The following PROSER1 variants were observed in gnomAD, a reference collection of about 807,000 sequenced individuals.
PROSER1 encodes proline and serine-rich protein 1.
In PROSER1, 36 loss-of-function variants were observed where a neutral mutation model predicts 71.8. The observed-to-expected ratio is 0.50, with a 90% CI of 0.38 to 0.66. PROSER1 has a LOEUF of 0.66. PROSER1 is among the 30% of genes least tolerant of loss of function. The probability of loss-of-function intolerance (pLI) is 0.00; values close to 1 mark genes in which losing one functional copy is unlikely to be tolerated. For synonymous variants in PROSER1, 490 were observed against 452.4 expected, an observed-to-expected ratio of 1.08 and a Z score of -1.06; for missense variants, 1,107 against 1,135.0, an observed-to-expected ratio of 0.98 and a Z score of 0.35.
Position 39,012,110 on chromosome 13 carries a change from C to T in PROSER1, c.2685G>A (p.Ala895=), listed in dbSNP as rs574313136. 139 of 1,614,016 alleles carry T rather than the reference C, an allele frequency of 8.6e-5. 1 individual carries two copies. In the South Asian group the frequency reaches 1.2e-3, roughly 14 times the overall value. ...GCTGTAACAATGCTGACTGCGCAGC[C>T]GCATTATGCTGTAATTCTTGCAAGG... The part of the protein sequence containing the change: ...QSSLQELQHN[A]AAQSALLQQV... Residue 895 remains alanine (A), a synonymous_variant, in exon 12 of 13, where the codon GCG becomes GCA. Coordinates refer to ENST00000352251, the MANE Select transcript of PROSER1 (RefSeq NM_025138.5).
At chr13:39,026,508 T>C (rs1216024467) in intron 5 of PROSER1, 121 bp from the exon 6 acceptor site, 5 of 576,398 alleles carry the variant, frequency 8.7e-6, no homozygotes, top group East Asian at 2.8e-5. Flanking sequence ...AATCTGCTCA[T>C]ACATAATTCA....
At chr13:39,033,081 C>T (rs573262801) in intron 2 of PROSER1, among the ~76,000 whole-genome samples, 2 of 152,240 alleles carry the variant, frequency 1.3e-5, no homozygotes, top group East Asian at 1.9e-4. Context: ...CCATCATGCC[C>T]GGCTCATTTT....
At chr13:39,029,404 T>G in intron 3 of PROSER1, 29 bp from the exon 4 acceptor site, 1 of 1,281,802 alleles carries the variant, frequency 7.8e-7, no homozygotes, top group East Asian at 2.6e-5. Context: ...ATTTTATTTT[T>G]AACGTGAAAT....
Position 39,037,559 on chromosome 13 carries a change from G to C in PROSER1, c.-317C>G, listed in dbSNP as rs915340380. 3.9e-6 allele frequency: 1 copy of C among 255,970 alleles called. No individual in the cohort carries two copies. Among genetic ancestry groups the C allele is most frequent in the East Asian group, 8.0e-5 (1 of 12,538 alleles). The allele number at this position is 255,970 out of a possible 1,614,324, so 15.9% of individuals were successfully genotyped here. ...GAGTTTTGCAGAAAAACCCGGGCTC[G>C]GCGGCAGGTTTGAGTGCGGTTTCCC... On this transcript the variant is annotated 5_prime_UTR_variant, in exon 1 of 13. Coordinates refer to ENST00000352251, the MANE Select transcript of PROSER1 (RefSeq NM_025138.5).
chr13:39,025,082 G>A (rs2138121211), intron 6 of PROSER1, among the ~76,000 whole-genome samples: 1 of 151,930 alleles, frequency 6.6e-6, no homozygotes, highest in East Asian at 1.9e-4. Flanking sequence ...TCACAAATAG[G>A]AGCAATCAGA....
chr13:39,029,878 C>A (rs533548386), intron 3 of PROSER1, among the ~76,000 whole-genome samples: 3 of 152,248 alleles, frequency 2.0e-5, no homozygotes, highest in Admixed American at 6.5e-5. Flanking sequence ...TTCTCTACTG[C>A]AGAACTTTAA....
chr13:39,034,431 C>A (rs1015539583), intron 1 of PROSER1, among the ~76,000 whole-genome samples: 2 of 152,148 alleles, frequency 1.3e-5, no homozygotes, highest in African/African-American at 4.8e-5. Flanking sequence ...GGCTTCCCTA[C>A]CAACTTCTAC....
At chr13:39,030,838 G>A (rs373004518) in intron 3 of PROSER1, among the ~76,000 whole-genome samples, 3 of 152,034 alleles carry the variant, frequency 2.0e-5, no homozygotes, top group African/African-American at 7.3e-5. Context: ...GAGAACAGGT[G>A]CGATAACTCT....
chr13:39,024,666 T>C, intron 6 of PROSER1, 110 bp from the exon 7 acceptor site: 1 of 746,044 alleles, frequency 1.3e-6, no homozygotes. Flanking sequence ...TTGGTAAGAG[T>C]GTAAAGACTT....
chr13:39,027,518 T>A (rs969321742), intron 5 of PROSER1, among the ~76,000 whole-genome samples: 64 of 152,160 alleles, frequency 4.2e-4, no homozygotes, highest in Admixed American at 9.8e-4. Flanking sequence ...GCATGTTGCC[T>A]TAAAGGTTTT....
rs1333670005 is a variant in PROSER1, at chr13:39,037,773, GT to G, written c.-532del. On this transcript the variant is annotated 5_prime_UTR_variant, in exon 1 of 13. The change abolishes the stop of an existing upstream ORF in the 5' untranslated region. Transcript: ENST00000352251. ...TCACCGCCGCGAACCCGGACGCATGGTCCGGCTCGCGCTCATCCCCAGCCGC... is the reference window on the plus strand; with the variant it reads ...TCACCGCCGCGAACCCGGACGCATGGCCGGCTCGCGCTCATCCCCAGCCGC... 6.6e-6 allele frequency: 1 copy of G among 152,466 alleles called. No individual in the cohort carries two copies. The highest frequency in any genetic ancestry group is 2.4e-5 in the African/African-American group (1 of 41,462). 9.4% of individuals were successfully genotyped at this position (152,466 alleles called of 1,614,324 possible).
intron 10 of PROSER1, among the ~76,000 whole-genome samples, chr13:39,014,890 G>A (rs1191389868): frequency 6.6e-6 from 1 of 152,106 alleles, no homozygotes; most frequent in Admixed American, 6.5e-5. Flanking sequence ...GGCTTCCCTT[G>A]CAGGGCCATA....
intron 9 of PROSER1, chr13:39,017,773 G>A (rs1458894235): frequency 2.5e-6 from 1 of 392,544 alleles, no homozygotes; most frequent in African/African-American, 2.3e-5. Context: ...ACCAGAAACT[G>A]AGTGAGTGCT....
At position 39,016,417 on chromosome 13, in the gene PROSER1, G is replaced by A. The variant is rs146074504; in HGVS notation, c.775+1083C>T. ...ATGGTGGAGCCAAGACTTGAGCCTG[G>A]GTCTTTCAGACTCATGTCTTTAACT... On this transcript the variant is annotated intron_variant, in intron 10 of 12. Coordinates refer to ENST00000352251, the MANE Select transcript of PROSER1 (RefSeq NM_025138.5). Among the ~76,000 whole-genome samples, 95 of 152,130 alleles carry A rather than the reference G, an allele frequency of 6.2e-4. 2 individuals carry two copies. In the East Asian group the frequency reaches 0.016, roughly 26 times the overall value.
rs753412801 is a variant in PROSER1 at position 39,013,558 on chromosome 13, G to T, written c.1694C>A (p.Ala565Glu). 1.2e-6 allele frequency: 2 copies of T among 1,614,164 alleles called. No homozygotes were observed. The highest frequency in any genetic ancestry group is 1.7e-6 in the Non-Finnish European group (2 of 1,180,030). The change falls in exon 11 of 13, where the codon GCA becomes GAA. Residue 565 changes from alanine to glutamate, a missense_variant. Transcript: ENST00000352251. ...AACTGGCACTGACGTGGAAGCTGAT[G>T]CAGCAGTGGCTAAAGGAGACTGTAC... ...LPVQSPLATAASASTSVPVSC... is the reference protein window; with the variant it reads ...LPVQSPLATAESASTSVPVSC...
intron 1 of PROSER1, among the ~76,000 whole-genome samples, chr13:39,035,945 GAAC>G (rs1871081125): frequency 6.6e-6 from 1 of 152,170 alleles, no homozygotes; most frequent in Non-Finnish European, 1.5e-5. Flanking sequence ...CATCTCATGT[GAAC>G]AACACTTTCA....
Position 39,037,184 on chromosome 13 carries a change from A to C in PROSER1, c.45+14T>G, listed in dbSNP as rs1248371319. 5 of 1,562,338 alleles carry C rather than the reference A, an allele frequency of 3.2e-6. No homozygotes were observed. In the African/African-American group the frequency reaches 6.8e-5, roughly 21 times the overall value. On this transcript the variant is annotated intron_variant, in intron 1 of 12. Transcript: ENST00000352251. ...TTCATCTCATAAAATAATTCATGGA[A>C]TCGGTCTAATTACCTTTCTAATTTC... is the stretch of plus-strand genomic sequence containing the variant.
intron 9 of PROSER1, among the ~76,000 whole-genome samples, chr13:39,019,347 C>CAAAAAAAA (rs558681903): frequency 1.4e-5 from 1 of 72,930 alleles, no homozygotes; most frequent in Non-Finnish European, 2.9e-5. Flanking sequence ...ACTAAAAATA[C>CAAAAAAAA]AAAAAAAAAA....
intron 9 of PROSER1, among the ~76,000 whole-genome samples, chr13:39,018,497 C>CAA (rs199526134): frequency 1.2e-4 from 14 of 118,994 alleles, no homozygotes; most frequent in South Asian, 2.8e-4. Context: ...CACACACACA[C>CAA]ACACACACAC....
Sources: gnomAD v4.1 joint callset for allele counts (sites outside exome capture counted in the v4.1 genomes callset) on GRCh38, gnomAD v4.1.1 for gene constraint, MANE v1.5 for transcripts, NCBI Gene and HGNC (gene_info 2026-07-23, HGNC 2026-07-21) for gene names.